The following KCNK2 variants were observed in gnomAD, a reference collection of about 807,000 sequenced individuals.
The protein encoded by KCNK2 is potassium two pore domain channel subfamily K member 2.
A neutral mutation model predicts 40.5 loss-of-function variants in KCNK2; 21 were observed. That is an observed-to-expected ratio of 0.52 (90% CI 0.37 to 0.75). KCNK2 has a LOEUF of 0.75. Ranked by LOEUF, KCNK2 falls within the 30% of genes least tolerant of loss-of-function variation. The pLI is 0.00. For missense variants in KCNK2, 399 were observed against 531.6 expected, an observed-to-expected ratio of 0.75 and a Z score of 2.45; for synonymous variants, 191 against 202.2, an observed-to-expected ratio of 0.94 and a Z score of 0.47.
At chr1:215,122,718 A>G (rs1034916973) in intron 2 of KCNK2, among the ~76,000 whole-genome samples, 12 of 151,652 alleles carry the variant, frequency 7.9e-5, no homozygotes, top group Admixed American at 6.6e-4. Flanking sequence ...ACTATACATC[A>G]AATGCTTAAA....
intron 3 of KCNK2, among the ~76,000 whole-genome samples, chr1:215,146,215 G>A (rs1469677600): frequency 1.3e-5 from 2 of 152,080 alleles, no homozygotes; most frequent in East Asian, 1.9e-4. Context: ...CAATCTACAG[G>A]TAGATTATTA....
At chr1:215,012,268 C>T (rs928006010) in intron 1 of KCNK2, among the ~76,000 whole-genome samples, 5 of 152,132 alleles carry the variant, frequency 3.3e-5, no homozygotes. Context: ...TGTCCACCAG[C>T]CGGGTACGAG....
chr1:215,007,376 G>T (rs968312852), intron 1 of KCNK2, among the ~76,000 whole-genome samples: 3 of 150,826 alleles, frequency 2.0e-5, no homozygotes, highest in Admixed American at 6.6e-5. Context: ...TACTTTTTAG[G>T]TTTAAGGGGC....
At chr1:215,155,461 A>T (rs908086892) in intron 3 of KCNK2, among the ~76,000 whole-genome samples, 1 of 152,078 alleles carries the variant, frequency 6.6e-6, no homozygotes, top group African/African-American at 2.4e-5. Context: ...AAAACTACGA[A>T]TTTTTGTTGC....
intron 1 of KCNK2, among the ~76,000 whole-genome samples, chr1:215,056,615 C>CTTTTTTTTTTTT (rs34925678): frequency 9.6e-6 from 1 of 103,984 alleles, no homozygotes; most frequent in Non-Finnish European, 1.7e-5. Context: ...TGTGTCCACT[C>CTTTTTTTTTTTT]TTTTTTTTTT....
At chr1:215,211,854 A>G (rs1051313829) in intron 6 of KCNK2, among the ~76,000 whole-genome samples, 4 of 152,166 alleles carry the variant, frequency 2.6e-5, no homozygotes, top group Non-Finnish European at 5.9e-5. Flanking sequence ...CAAACTAAAG[A>G]TAAGATTTTA....
intron 2 of KCNK2, among the ~76,000 whole-genome samples, chr1:215,110,045 T>C (rs139363909): frequency 1.2e-4 from 19 of 152,258 alleles, no homozygotes; most frequent in African/African-American, 4.1e-4. Flanking sequence ...TTTATGTCTT[T>C]TGCATATTTT....
At chr1:215,202,621 A>C (rs148336352) in intron 6 of KCNK2, among the ~76,000 whole-genome samples, 1 of 152,190 alleles carries the variant, frequency 6.6e-6, no homozygotes, top group African/African-American at 2.4e-5. Context: ...GGAAGGCCTT[A>C]ATAAGTCAAA....
chr1:215,050,189 C>A (rs1657933564), intron 1 of KCNK2, among the ~76,000 whole-genome samples: 1 of 152,064 alleles, frequency 6.6e-6, no homozygotes, highest in South Asian at 2.1e-4. Flanking sequence ...TAATTTTCAG[C>A]ATACAGATTC....
intron 1 of KCNK2, among the ~76,000 whole-genome samples, chr1:215,033,326 C>G (rs528393191): frequency 3.3e-5 from 5 of 151,782 alleles, no homozygotes; most frequent in African/African-American, 1.2e-4. Flanking sequence ...TGTTCAAATT[C>G]CCAATTTGAT....
chr1:215,117,843 A>G (rs1206492623), intron 2 of KCNK2, among the ~76,000 whole-genome samples: 1 of 152,094 alleles, frequency 6.6e-6, no homozygotes, highest in African/African-American at 2.4e-5. Context: ...AAAGAGGTAA[A>G]GAAGATGGGT....
At chr1:215,030,989 G>T (rs1308866509) in intron 1 of KCNK2, among the ~76,000 whole-genome samples, 1 of 152,030 alleles carries the variant, frequency 6.6e-6, no homozygotes, top group Non-Finnish European at 1.5e-5. Flanking sequence ...AGCATCATTT[G>T]TTGAAAAGAC....
chr1:215,016,491 C>T (rs1303810754), intron 1 of KCNK2, among the ~76,000 whole-genome samples: 1 of 152,044 alleles, frequency 6.6e-6, no homozygotes, highest in East Asian at 1.9e-4. Context: ...ATGCCAAGAA[C>T]ACACAATAAG....
chr1:215,019,575 A>C (rs1656717858), intron 1 of KCNK2, among the ~76,000 whole-genome samples: 1 of 152,324 alleles, frequency 6.6e-6, no homozygotes, highest in East Asian at 1.9e-4. Flanking sequence ...TCTGTTCATG[A>C]ATATTGAATC....
intron 2 of KCNK2, among the ~76,000 whole-genome samples, chr1:215,093,774 A>G (rs1299984464): frequency 6.5e-5 from 1 of 15,360 alleles, no homozygotes; most frequent in Non-Finnish European, 1.7e-4. Flanking sequence ...AATATAAAAT[A>G]TATTATATAT....
intron 6 of KCNK2, among the ~76,000 whole-genome samples, chr1:215,206,919 C>T (rs974969514): frequency 1.1e-4 from 17 of 152,156 alleles, no homozygotes; most frequent in Non-Finnish European, 2.4e-4. Context: ...GGTAATCAGA[C>T]AGTGCTGCTT....
intron 3 of KCNK2, among the ~76,000 whole-genome samples, chr1:215,160,240 C>T (rs192880724): frequency 1.3e-5 from 2 of 152,246 alleles, no homozygotes; most frequent in East Asian, 3.9e-4. Context: ...AGAAATAACA[C>T]AGCAGAGAAC....
intron 5 of KCNK2, among the ~76,000 whole-genome samples, chr1:215,177,740 A>ATATATATATATATAT (rs71167812): frequency 9.8e-5 from 10 of 101,576 alleles, no homozygotes; most frequent in African/African-American, 2.1e-4. Context: ...ATATATATAT[A>ATATATATATATATAT]TTTTTTTTTT....
intron 2 of KCNK2, among the ~76,000 whole-genome samples, chr1:215,101,380 G>A (rs1660208031): frequency 1.3e-5 from 2 of 151,962 alleles, no homozygotes; most frequent in Admixed American, 6.6e-5. Context: ...AGGTTTGGAT[G>A]AGGGAAAGTC....
Sources: gnomAD v4.1 joint callset for allele counts (sites outside exome capture counted in the v4.1 genomes callset) on GRCh38, gnomAD v4.1.1 for gene constraint, MANE v1.5 for transcripts, NCBI Gene and HGNC (gene_info 2026-07-23, HGNC 2026-07-21) for gene names.